MGAT4C: variants seen among roughly 807,000 people sequenced by gnomAD.
MGAT4C encodes the protein alpha-1,3-mannosyl-glycoprotein 4-beta-N-acetylglucosaminyltransferase C.
Under a neutral mutation model 40.1 loss-of-function variants are expected in MGAT4C, and 19 were observed. That is an observed-to-expected ratio of 0.47 (90% CI 0.33 to 0.70). The LOEUF is 0.70. Among genes scored for constraint, MGAT4C ranks in the 30% least tolerant of loss-of-function variants. MGAT4C has a pLI of 0.02. For synonymous variants in MGAT4C, 181 were observed against 187.1 expected, an observed-to-expected ratio of 0.97 and a Z score of 0.27; for missense variants, 491 against 563.2, an observed-to-expected ratio of 0.87 and a Z score of 1.30.
At chr12:86,420,386 A>G (rs112714949) in intron 3 of MGAT4C, among the ~76,000 whole-genome samples, 3,916 of 152,266 alleles carry the variant, frequency 0.026, 82 homozygotes, top group Non-Finnish European at 0.036. Context: ...TGTCTCAAAA[A>G]GAAAATTAAA....
intron 2 of MGAT4C, among the ~76,000 whole-genome samples, chr12:86,581,343 G>A (rs1294407998): frequency 6.6e-6 from 1 of 151,450 alleles, no homozygotes; most frequent in Non-Finnish European, 1.5e-5. Context: ...AAAGACAGCA[G>A]CTCACTGGCA....
intron 1 of MGAT4C, among the ~76,000 whole-genome samples, chr12:86,216,801 G>A (rs181847484): frequency 9.9e-5 from 15 of 152,130 alleles, no homozygotes; most frequent in Admixed American, 4.6e-4. Flanking sequence ...GCATATCTTC[G>A]AAGTTGTCAG....
chr12:86,493,892 T>A (rs1248290857), intron 2 of MGAT4C, among the ~76,000 whole-genome samples: 1 of 152,102 alleles, frequency 6.6e-6, no homozygotes, highest in African/African-American at 2.4e-5. Flanking sequence ...CAGATGTTTG[T>A]GCATATGCTG....
intron 4 of MGAT4C, among the ~76,000 whole-genome samples, chr12:86,269,834 A>G (rs914454778): frequency 6.6e-6 from 1 of 152,136 alleles, no homozygotes; most frequent in African/African-American, 2.4e-5. Context: ...CTGGTTCCCA[A>G]TCTCCTTGAA....
At chr12:86,231,582 A>G (rs548645731) in intron 1 of MGAT4C, among the ~76,000 whole-genome samples, 17 of 152,336 alleles carry the variant, frequency 1.1e-4, no homozygotes, top group African/African-American at 4.1e-4. Context: ...AGTAGAACTG[A>G]GGAACCTCAG....
chr12:86,661,516 A>G (rs1963979647), intron 2 of MGAT4C, among the ~76,000 whole-genome samples: 1 of 152,186 alleles, frequency 6.6e-6, no homozygotes. Flanking sequence ...AAGCTAGTAA[A>G]ACATAAAATT....
chr12:86,385,372 G>T (rs183328150), intron 3 of MGAT4C, among the ~76,000 whole-genome samples: 1 of 152,020 alleles, frequency 6.6e-6, no homozygotes, highest in Middle Eastern at 3.4e-3. Context: ...TCAAATCTAC[G>T]TATATACTCT....
intron 2 of MGAT4C, among the ~76,000 whole-genome samples, chr12:86,438,024 T>A (rs954250734): frequency 6.6e-6 from 1 of 151,834 alleles, no homozygotes; most frequent in Non-Finnish European, 1.5e-5. Context: ...TGAAGTCAAA[T>A]GGTAGAAATG....
rs965942236 is a variant in MGAT4C, at chr12:85,964,452, A to G, written c.*14837T>C. ...CAGGATGAAATAATAGTATCATTCT[A>G]TTTCAGGTTCTTAAGCAACATTCCT... On this transcript the variant is annotated 3_prime_UTR_variant, in exon 5 of 5. Transcript: ENST00000611864. 2 of 152,086 alleles carry G rather than the reference A, an allele frequency of 1.3e-5. No homozygotes were observed. The highest frequency in any genetic ancestry group is 2.9e-5 in the Non-Finnish European group (2 of 67,974). 9.4% of individuals were successfully genotyped at this position (152,086 alleles called of 1,614,324 possible).
In MGAT4C at chr12:86,531,337, CG is replaced by C. The variant is rs141904005; in HGVS notation, c.-228-96073del. Among the ~76,000 whole-genome samples, 510 of 152,066 alleles carry C rather than the reference CG, an allele frequency of 3.4e-3. 1 individual carries two copies. The highest frequency in any genetic ancestry group is 0.012 in the African/African-American group (493 of 41,538). ...CCCTGGAAACCACTTATAGACTTCA[CG>C]GGGTACAGAATGGCTTGGTTGCTGA... On this transcript the variant is annotated intron_variant, in intron 2 of 7. Coordinates refer to the MGAT4C transcript ENST00000548651.
At chr12:86,011,446 C>T (rs909176823) in intron 2 of MGAT4C, among the ~76,000 whole-genome samples, 1 of 152,126 alleles carries the variant, frequency 6.6e-6, no homozygotes, top group African/African-American at 2.4e-5. Context: ...GAGTTTTGGT[C>T]AACAAAGCAC....
intron 2 of MGAT4C, among the ~76,000 whole-genome samples, chr12:86,046,762 CA>C (rs1892434408): frequency 6.6e-6 from 1 of 152,082 alleles, no homozygotes; most frequent in African/African-American, 2.4e-5. Flanking sequence ...CATTCTGTCA[CA>C]ATACACAGTG....
intron 2 of MGAT4C, among the ~76,000 whole-genome samples, chr12:86,639,858 G>A (rs529365613): frequency 2.0e-5 from 3 of 151,658 alleles, no homozygotes; most frequent in Non-Finnish European, 4.4e-5. Context: ...GCAACATCAA[G>A]ATTATAAGGT....
At chr12:86,608,937 G>A (rs1593039877) in intron 2 of MGAT4C, among the ~76,000 whole-genome samples, 1 of 151,958 alleles carries the variant, frequency 6.6e-6, no homozygotes, top group Non-Finnish European at 1.5e-5. Context: ...ACTGTTGTAT[G>A]AGTCAACAAC....
At chr12:86,174,130 C>T (rs1479677633) in intron 1 of MGAT4C, among the ~76,000 whole-genome samples, 1 of 148,348 alleles carries the variant, frequency 6.7e-6, no homozygotes, top group Non-Finnish European at 1.5e-5. Context: ...CACATACACA[C>T]ACACACACAC....
intron 1 of MGAT4C, among the ~76,000 whole-genome samples, chr12:86,730,221 A>T (rs1358451733): frequency 2.0e-5 from 3 of 152,046 alleles, no homozygotes; most frequent in African/African-American, 7.2e-5. Flanking sequence ...ATTCCATATA[A>T]TATTTATGTC....
intron 2 of MGAT4C, among the ~76,000 whole-genome samples, chr12:86,010,208 T>G (rs1469065721): frequency 6.6e-6 from 1 of 152,176 alleles, no homozygotes; most frequent in East Asian, 1.9e-4. Context: ...TCACAGACTA[T>G]TATTTAAAGC....
chr12:86,311,057 A>C (rs148473252), intron 4 of MGAT4C, among the ~76,000 whole-genome samples: 1 of 152,226 alleles, frequency 6.6e-6, no homozygotes, highest in Non-Finnish European at 1.5e-5. Context: ...TGACTTTTCT[A>C]TATGTGAGAC....
chr12:86,356,297 T>G (rs542220000), intron 3 of MGAT4C, among the ~76,000 whole-genome samples: 8 of 152,064 alleles, frequency 5.3e-5, no homozygotes, highest in African/African-American at 1.2e-4. Context: ...AACAGTAAAT[T>G]TAATCTAACC....
Sources: gnomAD v4.1 joint callset for allele counts (sites outside exome capture counted in the v4.1 genomes callset) on GRCh38, gnomAD v4.1.1 for gene constraint, MANE v1.5 for transcripts, NCBI Gene and HGNC (gene_info 2026-07-23, HGNC 2026-07-21) for gene names.